GGNBP2: variants seen among roughly 807,000 people sequenced by gnomAD.
The protein encoded by GGNBP2 is gametogenetin-binding protein 2.
In GGNBP2, 10 loss-of-function variants were observed where a neutral mutation model predicts 85.9. The observed-to-expected ratio is 0.12, with a 90% CI of 0.07 to 0.20. The LOEUF (loss-of-function observed/expected upper bound fraction) is 0.20. Among genes scored for constraint, GGNBP2 ranks in the 10% least tolerant of loss-of-function variants. The probability of loss-of-function intolerance (pLI) is 1.00; values close to 1 mark genes in which losing one functional copy is unlikely to be tolerated. For missense variants in GGNBP2, 595 were observed against 857.8 expected (o/e 0.69, Z 3.83); for synonymous variants, 287 against 285.7 (o/e 1.00, Z -0.05).
intron 5 of GGNBP2, among the ~76,000 whole-genome samples, chr17:36,564,828 A>C (rs1426108552): frequency 6.6e-6 from 1 of 151,144 alleles, no homozygotes; most frequent in African/African-American, 2.4e-5. Flanking sequence ...ACAGTTGATT[A>C]GGTTTTAGCC....
chr17:36,587,161 A>T lies in GGNBP2; in HGVS notation c.1806A>T (p.Lys602Asn). 6.2e-7 allele frequency: 1 copy of T among 1,614,108 alleles called. No homozygotes were observed. Among genetic ancestry groups the T allele is most frequent in the Non-Finnish European group, 8.5e-7 (1 of 1,180,004 alleles). ...GQPLPWFEHR[K>N]NVPQFAEPTE... is the part of the protein sequence containing the mutation. ...CATTGCCTTGGTTTGAGCATAGGAA[A>T]AATGTACCACAGTTTGCAGAACCTA... Residue 602 changes from lysine to asparagine, a missense_variant, in exon 13 of 14, where the codon AAA becomes AAT. This residue lies in a region of GGNBP2 where 120 missense variants were observed against 126.3 expected (regional missense o/e 0.95). Coordinates refer to ENST00000613102, the MANE Select transcript of GGNBP2 (RefSeq NM_024835.5).
chr17:36,566,314 A>C (rs2074468125), intron 5 of GGNBP2, among the ~76,000 whole-genome samples: 1 of 152,198 alleles, frequency 6.6e-6, no homozygotes, highest in Non-Finnish European at 1.5e-5. Flanking sequence ...TTCATACTGA[A>C]GTTGAACCCT....
chr17:36,547,641 A>T (rs1016956917), intron 2 of GGNBP2: 1 of 152,216 alleles, frequency 6.6e-6, no homozygotes, highest in African/African-American at 2.4e-5. Flanking sequence ...TAACCTTGCA[A>T]TGTGGTTTAG....
chr17:36,571,297 A>G (rs1202583545), intron 6 of GGNBP2, among the ~76,000 whole-genome samples: 1 of 152,026 alleles, frequency 6.6e-6, no homozygotes, highest in African/African-American at 2.4e-5. Context: ...CACTCCTCTA[A>G]TCTCAGCACT....
At chr17:36,573,699 G>GTTT (rs1362680282) in intron 6 of GGNBP2, among the ~76,000 whole-genome samples, 1 of 152,070 alleles carries the variant, frequency 6.6e-6, no homozygotes, top group Non-Finnish European at 1.5e-5. Context: ...TGTTGTTGTT[G>GTTT]TTGTTTTGAT....
At chr17:36,562,428 C>G (rs1297796330) in intron 5 of GGNBP2, among the ~76,000 whole-genome samples, 1 of 151,896 alleles carries the variant, frequency 6.6e-6, no homozygotes, top group Non-Finnish European at 1.5e-5. Flanking sequence ...CTTGGTCTCC[C>G]AAAGTGCTGG....
chr17:36,572,742 C>T (rs901245389), intron 6 of GGNBP2, among the ~76,000 whole-genome samples: 2 of 152,138 alleles, frequency 1.3e-5, no homozygotes, highest in African/African-American at 4.8e-5. Context: ...TTTAAGTGTA[C>T]ATTATAATTT....
intron 12 of GGNBP2, 148 bp downstream of exon 12, chr17:36,586,346 G>A: frequency 1.1e-6 from 1 of 941,312 alleles, no homozygotes; most frequent in Non-Finnish European, 1.5e-6. Flanking sequence ...TGCTCATCGT[G>A]TGAGAGTGTG....
At chr17:36,567,330 T>G (rs919453923) in intron 5 of GGNBP2, among the ~76,000 whole-genome samples, 2 of 152,212 alleles carry the variant, frequency 1.3e-5, no homozygotes, top group African/African-American at 4.8e-5. Context: ...AATCATATAA[T>G]TTGTAAACAT....
intron 2 of GGNBP2, among the ~76,000 whole-genome samples, chr17:36,548,368 A>T (rs556389824): frequency 2.0e-5 from 3 of 152,180 alleles, no homozygotes; most frequent in South Asian, 4.1e-4. Context: ...TAATCCCAGC[A>T]CTTTGGGAGG....
chr17:36,553,898 T>C (rs916202927), intron 2 of GGNBP2, among the ~76,000 whole-genome samples: 1 of 152,178 alleles, frequency 6.6e-6, no homozygotes, highest in Non-Finnish European at 1.5e-5. Context: ...AATTACACAT[T>C]CCCATTATGT....
chr17:36,551,567 G>A (rs943685675), intron 2 of GGNBP2, among the ~76,000 whole-genome samples: 21 of 151,830 alleles, frequency 1.4e-4, no homozygotes, highest in Non-Finnish European at 3.1e-4. Context: ...TTTTAGGCTG[G>A]GCGCGGTGGC....
At position 36,589,235 on chromosome 17, in the gene GGNBP2, G is replaced by A; in HGVS notation, c.1918G>A (p.Glu640Lys). 1 of 1,612,850 alleles carries A rather than the reference G, an allele frequency of 6.2e-7. No individual in the cohort carries two copies. Among genetic ancestry groups the A allele is most frequent in the Non-Finnish European group, 8.5e-7 (1 of 1,179,122 alleles). The change falls in exon 14 of 14, where the codon GAA becomes AAA. Residue 640 changes from glutamate (E) to lysine (K), a missense_variant. By Grantham distance (56) the Glu-to-Lys change is moderately conservative. Transcript: ENST00000613102. ...TGAGTCTGAATGTACTTCAGATGAG[G>A]AAATCTTTATCTCACAAGATGAAAT... ...LDESECTSDE[E>K]IFISQDEIQS...
intron 3 of GGNBP2, among the ~76,000 whole-genome samples, chr17:36,556,488 A>G (rs1224448971): frequency 6.6e-6 from 1 of 152,070 alleles, no homozygotes; most frequent in Non-Finnish European, 1.5e-5. Flanking sequence ...GGTGGATCAC[A>G]AGGTCAAAAG....
intron 2 of GGNBP2, chr17:36,546,501 A>G (rs2074256834): frequency 6.6e-6 from 1 of 151,946 alleles, no homozygotes; most frequent in Non-Finnish European, 1.5e-5. Context: ...TAAAAAGCTG[A>G]TTGCTCATCT....
intron 2 of GGNBP2, chr17:36,546,938 T>G (rs1012843489): frequency 6.6e-6 from 1 of 152,210 alleles, no homozygotes; most frequent in African/African-American, 2.4e-5. Context: ...CCAGTCTCAA[T>G]TAAGACTTGA....
chr17:36,557,492 A>C (rs1446284543), intron 4 of GGNBP2, among the ~76,000 whole-genome samples, 156 bp downstream of exon 4: 1 of 152,170 alleles, frequency 6.6e-6, no homozygotes, highest in Non-Finnish European at 1.5e-5. Context: ...TCAACTCTCC[A>C]CGTGGGGAGA....
intron 2 of GGNBP2, among the ~76,000 whole-genome samples, chr17:36,554,096 G>A (rs552595284): frequency 1.1e-3 from 170 of 152,062 alleles, no homozygotes; most frequent in Middle Eastern, 6.8e-3. Flanking sequence ...GGAGGCTGAG[G>A]TCAGGAGTTC....
intron 6 of GGNBP2, among the ~76,000 whole-genome samples, chr17:36,568,995 C>T (rs543629787): frequency 3.3e-5 from 5 of 152,162 alleles, no homozygotes; most frequent in African/African-American, 7.2e-5. Context: ...ACTTGTGATC[C>T]GCTCTCCTCA....
Sources: allele counts gnomAD v4.1 joint callset (sites outside exome capture counted in the v4.1 genomes callset), GRCh38; gene constraint gnomAD v4.1.1; regional missense constraint gnomAD v4.1.1; transcripts MANE v1.5; gene names NCBI Gene and HGNC (gene_info 2026-07-23, HGNC 2026-07-21).